The following CMSS1 variants were observed in gnomAD, a reference collection of about 807,000 sequenced individuals.
CMSS1 encodes the protein cms1 ribosomal small subunit homolog.
A neutral mutation model predicts 43.5 loss-of-function variants in CMSS1; 33 were observed. The observed-to-expected ratio is 0.76, with a 90% CI of 0.57 to 1.01. CMSS1 has a LOEUF of 1.01. Among genes scored for constraint, CMSS1 ranks in the 50% least tolerant of loss-of-function variants. CMSS1 has a pLI of 0.00. For synonymous variants in CMSS1, 115 were observed against 117.2 expected, an observed-to-expected ratio of 0.98 and a Z score of 0.12; for missense variants, 313 against 326.4, an observed-to-expected ratio of 0.96 and a Z score of 0.32.
intron 1 of CMSS1, among the ~76,000 whole-genome samples, chr3:99,968,016 A>G (rs748430130): frequency 6.6e-6 from 1 of 152,242 alleles, no homozygotes; most frequent in Non-Finnish European, 1.5e-5. Context: ...ACCAAGCAGT[A>G]TGCTGTTCAC....
chr3:99,937,799 G>A (rs996797967), intron 1 of CMSS1, among the ~76,000 whole-genome samples: 4 of 152,160 alleles, frequency 2.6e-5, no homozygotes, highest in Admixed American at 2.6e-4. Context: ...TAGAAAAAGG[G>A]TACTGAGAAT....
At chr3:99,982,263 A>G (rs1709146965) in intron 1 of CMSS1, among the ~76,000 whole-genome samples, 1 of 151,652 alleles carries the variant, frequency 6.6e-6, no homozygotes, top group African/African-American at 2.4e-5. Context: ...ATGCTTATAC[A>G]TTTTGCATCC....
intron 1 of CMSS1, among the ~76,000 whole-genome samples, chr3:100,004,070 G>A (rs1259920322): frequency 2.0e-5 from 3 of 152,134 alleles, no homozygotes; most frequent in Admixed American, 6.5e-5. Context: ...ACCAAAACTG[G>A]AGGCAAAATC....
chr3:99,946,469 G>A (rs555833263), intron 1 of CMSS1, among the ~76,000 whole-genome samples: 66 of 152,270 alleles, frequency 4.3e-4, no homozygotes, highest in African/African-American at 1.5e-3. Flanking sequence ...TGAACCTTTT[G>A]GTAGTGTTTT....
chr3:99,859,262 T>C (rs1944121613), intron 1 of CMSS1, among the ~76,000 whole-genome samples: 1 of 152,248 alleles, frequency 6.6e-6, no homozygotes, highest in African/African-American at 2.4e-5. Flanking sequence ...CTGTACTTGC[T>C]ATTTGTCAGT....
chr3:99,828,039 A>G (rs1942569252), intron 1 of CMSS1, among the ~76,000 whole-genome samples: 1 of 152,250 alleles, frequency 6.6e-6, no homozygotes, highest in South Asian at 2.1e-4. Flanking sequence ...TGAAAGCTTC[A>G]ACATACAACG....
At chr3:100,126,605 T>A (rs77985004) in intron 1 of CMSS1, among the ~76,000 whole-genome samples, 4,226 of 152,250 alleles carry the variant, frequency 0.028, 128 homozygotes, top group East Asian at 0.17. Context: ...CACTTTTAAT[T>A]TATATAGTCT....
Position 100,148,556 on chromosome 3 carries a change from G to T in CMSS1, c.153+1495G>T, listed in dbSNP as rs185554197. Among the ~76,000 whole-genome samples, 11 of 152,238 alleles carry T rather than the reference G, an allele frequency of 7.2e-5. No individual in the cohort carries two copies. In the East Asian group the frequency reaches 2.1e-3, roughly 29 times the overall value. ...TAACTGTGAGAAGCAATTTAGTGTAGTGTTGCTTAACTTGCCCACCGAAGT... is the reference window on the plus strand; with the variant it reads ...TAACTGTGAGAAGCAATTTAGTGTATTGTTGCTTAACTTGCCCACCGAAGT... On this transcript the variant is annotated intron_variant, in intron 2 of 9. Coordinates refer to ENST00000421999, the MANE Select transcript of CMSS1 (RefSeq NM_032359.4).
intron 1 of CMSS1, among the ~76,000 whole-genome samples, chr3:99,939,417 T>C (rs76986503): frequency 0.011 from 1,721 of 152,324 alleles, 19 homozygotes; most frequent in African/African-American, 0.025. Context: ...TTATTCCAAA[T>C]GAAACACTCA....
At chr3:100,041,596 T>A (rs901790195) in intron 1 of CMSS1, among the ~76,000 whole-genome samples, 1 of 150,596 alleles carries the variant, frequency 6.6e-6, no homozygotes, top group Non-Finnish European at 1.5e-5. Flanking sequence ...ACAAAAAAAA[T>A]AAAAATAAAA....
chr3:99,951,245 T>G (rs1708167668), intron 1 of CMSS1, among the ~76,000 whole-genome samples: 1 of 152,162 alleles, frequency 6.6e-6, no homozygotes, highest in Non-Finnish European at 1.5e-5. Context: ...CATAACCACA[T>G]TATACACTCT....
intron 1 of CMSS1, among the ~76,000 whole-genome samples, chr3:100,120,258 CAT>C (rs1321619259): frequency 6.6e-6 from 1 of 152,246 alleles, no homozygotes; most frequent in Non-Finnish European, 1.5e-5. Context: ...GCATAGCTAT[CAT>C]CGTTCAGTAG....
intron 1 of CMSS1, among the ~76,000 whole-genome samples, chr3:99,967,599 G>A (rs1190935133): frequency 1.3e-5 from 2 of 152,164 alleles, no homozygotes; most frequent in African/African-American, 4.8e-5. Context: ...TATGCAATTG[G>A]AATGGTCTCT....
At chr3:100,068,141 C>T (rs1327577234) in intron 1 of CMSS1, among the ~76,000 whole-genome samples, 1 of 152,174 alleles carries the variant, frequency 6.6e-6, no homozygotes, top group African/African-American at 2.4e-5. Context: ...CAGAGAAATG[C>T]ACATTTAATC....
chr3:100,079,955 T>C (rs1357079298), intron 1 of CMSS1, among the ~76,000 whole-genome samples: 1 of 152,158 alleles, frequency 6.6e-6, no homozygotes, highest in African/African-American at 2.4e-5. Flanking sequence ...ACAAAGGTTT[T>C]CATGGCATAT....
intron 1 of CMSS1, among the ~76,000 whole-genome samples, chr3:100,078,470 A>G (rs1232640621): frequency 6.6e-6 from 1 of 152,214 alleles, no homozygotes; most frequent in African/African-American, 2.4e-5. Flanking sequence ...TAAAACAGCA[A>G]TAATTTATTT....
At chr3:99,940,463 C>T (rs1707819162) in intron 1 of CMSS1, among the ~76,000 whole-genome samples, 1 of 152,204 alleles carries the variant, frequency 6.6e-6, no homozygotes, top group Non-Finnish European at 1.5e-5. Flanking sequence ...TCCGTTTGGA[C>T]CTTGGAGCCA....
At chr3:100,123,611 G>T (rs571681301) in intron 1 of CMSS1, among the ~76,000 whole-genome samples, 325 of 152,314 alleles carry the variant, frequency 2.1e-3, no homozygotes, top group Non-Finnish European at 3.7e-3. Flanking sequence ...CCCAGGCCGT[G>T]CGCTGGGTAG....
At chr3:100,012,775 T>C (rs1710196466) in intron 1 of CMSS1, among the ~76,000 whole-genome samples, 1 of 145,320 alleles carries the variant, frequency 6.9e-6, no homozygotes, top group South Asian at 2.3e-4. Context: ...TTTTTTTTTT[T>C]TTTTGGGTTG....
Sources: allele counts gnomAD v4.1 joint callset (sites outside exome capture counted in the v4.1 genomes callset), GRCh38; gene constraint gnomAD v4.1.1; transcripts MANE v1.5; gene names NCBI Gene and HGNC (gene_info 2026-07-23, HGNC 2026-07-21).